The following CSMD1 variants were observed in gnomAD, a reference collection of about 807,000 sequenced individuals.
The protein encoded by CSMD1 is CUB and sushi domain-containing protein 1.
Under a neutral mutation model 417.5 loss-of-function variants are expected in CSMD1, and 213 were observed. That is an observed-to-expected ratio of 0.51 (90% confidence interval 0.46 to 0.57). The LOEUF (loss-of-function observed/expected upper bound fraction) is 0.57. CSMD1 is among the 20% of genes least tolerant of loss of function. The pLI, the probability that CSMD1 is intolerant of heterozygous loss-of-function variation, is 0.00. For missense variants in CSMD1, 6,923 were observed against 4,529.7 expected (o/e 1.53, Z -15.17); for synonymous variants, 2,862 against 1,736.8 (o/e 1.65, Z -16.11).
At chr8:3,337,170 C>A (rs1369759703) in intron 23 of CSMD1, among the ~76,000 whole-genome samples, 1 of 152,124 alleles carries the variant, frequency 6.6e-6, no homozygotes, top group Non-Finnish European at 1.5e-5. Context: ...CTGCCACAAA[C>A]CAACGCAACG....
chr8:3,924,601 T>C, intron 5 of CSMD1, among the ~76,000 whole-genome samples: 1 of 152,220 alleles, frequency 6.6e-6, no homozygotes, highest in East Asian at 1.9e-4. Flanking sequence ...ATGATCTGTC[T>C]TATATTTCAC....
At position 4,615,906 on chromosome 8, in the gene CSMD1, T is replaced by C. The variant is rs1801447805; in HGVS notation, c.302+21436A>G. 1.3e-5 allele frequency among the ~76,000 whole-genome samples: 2 copies of C among 152,202 alleles called. 1 individual carries two copies. ...TTTGGATGAATTCATAGCCCATAAC[T>C]ATTTGTTTGTACAGTGCCCCTTTCA... On this transcript the variant is annotated intron_variant, in intron 2 of 69. Coordinates refer to ENST00000635120, the MANE Select transcript of CSMD1 (RefSeq NM_033225.6).
intron 5 of CSMD1, among the ~76,000 whole-genome samples, chr8:3,868,989 C>T (rs79204855): frequency 0.02 from 3,079 of 152,264 alleles, 51 homozygotes; most frequent in Middle Eastern, 0.051. Context: ...CAGATGATGC[C>T]GATGGCTTTC....
intron 3 of CSMD1, among the ~76,000 whole-genome samples, chr8:4,374,966 G>GC (rs1207623816): frequency 3.9e-5 from 5 of 129,462 alleles, no homozygotes; most frequent in Non-Finnish European, 6.8e-5. Flanking sequence ...TGGGGTGGGG[G>GC]GGGGGGGCGA....
intron 7 of CSMD1, among the ~76,000 whole-genome samples, chr8:3,694,243 T>C (rs1395536947): frequency 2.0e-5 from 3 of 152,150 alleles, no homozygotes; most frequent in East Asian, 3.9e-4. Flanking sequence ...AGCTCTGTCA[T>C]GGAGTCCAGG....
intron 2 of CSMD1, among the ~76,000 whole-genome samples, chr8:4,550,708 C>T (rs1204724463): frequency 6.6e-6 from 1 of 152,156 alleles, no homozygotes; most frequent in African/African-American, 2.4e-5. Context: ...TGTCTATTAT[C>T]CAGTCCACAG....
At chr8:3,770,753 T>C (rs1798522469) in intron 5 of CSMD1, among the ~76,000 whole-genome samples, 1 of 152,106 alleles carries the variant, frequency 6.6e-6, no homozygotes, top group South Asian at 2.1e-4. Flanking sequence ...GCCTACTCCA[T>C]TCCCCGCCAA....
chr8:4,052,140 G>T (rs186553995), intron 3 of CSMD1, among the ~76,000 whole-genome samples: 1 of 151,986 alleles, frequency 6.6e-6, no homozygotes, highest in African/African-American at 2.4e-5. Context: ...GGTCAGGGTG[G>T]TCTCGAACTC....
At chr8:3,916,077 C>G (rs909877903) in intron 5 of CSMD1, among the ~76,000 whole-genome samples, 4 of 151,620 alleles carry the variant, frequency 2.6e-5, no homozygotes, top group Admixed American at 2.0e-4. Context: ...AGTGTCTGCT[C>G]TGGAAGTCTT....
At chr8:3,092,861 A>G (rs1312743338) in intron 47 of CSMD1, among the ~76,000 whole-genome samples, 1 of 152,008 alleles carries the variant, frequency 6.6e-6, no homozygotes, top group African/African-American at 2.4e-5. Context: ...TTCACAGTTC[A>G]CTCCTAGGGA....
chr8:3,568,398 T>C lies in CSMD1; in HGVS notation c.1344+6547A>G, dbSNP rs372007841. On this transcript the variant is annotated intron_variant, in intron 10 of 69. Transcript: ENST00000635120. ...CTGTACAGTTTTTGTCAATTATACA[T>C]CAATAAAGCTGGAAACAAAGAAAAA... Among the ~76,000 whole-genome samples the C allele has an allele frequency of 2.0e-5, 3 of 152,100 alleles. No individual in the cohort carries two copies. In the East Asian group the frequency reaches 5.8e-4, roughly 29 times the overall value.
intron 3 of CSMD1, among the ~76,000 whole-genome samples, chr8:4,239,265 G>C (rs778181896): frequency 6.6e-6 from 1 of 152,182 alleles, no homozygotes; most frequent in Non-Finnish European, 1.5e-5. Flanking sequence ...GCTGAGGTTG[G>C]ATGTACTCTG....
chr8:3,608,587 C>A (rs1272639024), intron 8 of CSMD1, among the ~76,000 whole-genome samples: 1 of 151,882 alleles, frequency 6.6e-6, no homozygotes, highest in Non-Finnish European at 1.5e-5. Context: ...CATAGTGAAA[C>A]CCCGTCTCTA....
intron 6 of CSMD1, among the ~76,000 whole-genome samples, chr8:3,753,479 G>C (rs1484848153): frequency 6.6e-6 from 1 of 152,142 alleles, no homozygotes; most frequent in Non-Finnish European, 1.5e-5. Context: ...AAGATTCATT[G>C]TGTGTAAATT....
chr8:4,627,314 C>G lies in CSMD1; in HGVS notation c.302+10028G>C, dbSNP rs578109043. On this transcript the variant is annotated intron_variant, in intron 2 of 69. Coordinates refer to ENST00000635120, the MANE Select transcript of CSMD1 (RefSeq NM_033225.6). ...AAAGTCACTCAGCTTCAAACTTGAT[C>G]ATCCACATAAAGCTCATTTAAAATC... Among the ~76,000 whole-genome samples the G allele has an allele frequency of 3.3e-5, 5 of 152,214 alleles. No individual in the cohort carries two copies. In the South Asian group the frequency reaches 1.0e-3, roughly 32 times the overall value.
chr8:3,858,972 C>T (rs530959681), intron 5 of CSMD1, among the ~76,000 whole-genome samples: 30 of 152,308 alleles, frequency 2.0e-4, no homozygotes, highest in Non-Finnish European at 2.6e-4. Context: ...AGTATAACGA[C>T]ATCAATCCCT....
At chr8:4,666,470 G>C (rs982857241) in intron 1 of CSMD1, among the ~76,000 whole-genome samples, 1 of 152,144 alleles carries the variant, frequency 6.6e-6, no homozygotes, top group African/African-American at 2.4e-5. Flanking sequence ...TCTAGAAGCT[G>C]TGAGAGGCAA....
chr8:4,072,037 G>C (rs187420857), intron 3 of CSMD1, among the ~76,000 whole-genome samples: 1 of 152,154 alleles, frequency 6.6e-6, no homozygotes, highest in Non-Finnish European at 1.5e-5. Flanking sequence ...AAAGAAAGTG[G>C]ATGTTAGGAT....
At chr8:3,358,864 T>C (rs565676570) in intron 21 of CSMD1, among the ~76,000 whole-genome samples, 2 of 135,960 alleles carry the variant, frequency 1.5e-5, no homozygotes, top group East Asian at 2.2e-4. Flanking sequence ...TCTCTCCGTA[T>C]ATATATATTT....
Sources: allele counts gnomAD v4.1 joint callset (sites outside exome capture counted in the v4.1 genomes callset), GRCh38; gene constraint gnomAD v4.1.1; transcripts MANE v1.5; gene names NCBI Gene and HGNC (gene_info 2026-07-23, HGNC 2026-07-21).